DOCK1: variants seen among roughly 807,000 people sequenced by gnomAD.
DOCK1 encodes the protein dedicator of cytokinesis protein 1.
Under a neutral mutation model 262.7 loss-of-function variants are expected in DOCK1, and 138 were observed. That is an observed-to-expected ratio of 0.53 (90% CI 0.46 to 0.61). DOCK1 has a LOEUF of 0.61. Ranked by LOEUF, DOCK1 falls within the 20% of genes least tolerant of loss-of-function variation. DOCK1 has a pLI of 0.00. For synonymous variants in DOCK1, 866 were observed against 867.4 expected, an observed-to-expected ratio of 1.00 and a Z score of 0.03; for missense variants, 1,908 against 2,370.7, an observed-to-expected ratio of 0.80 and a Z score of 4.05.
At chr10:127,381,751 C>T (rs2065837542) in intron 37 of DOCK1, among the ~76,000 whole-genome samples, 1 of 152,150 alleles carries the variant, frequency 6.6e-6, no homozygotes, top group Non-Finnish European at 1.5e-5. Context: ...GAGACATACC[C>T]CTAATTGTCT....
intron 27 of DOCK1, among the ~76,000 whole-genome samples, chr10:127,158,962 C>G (rs1277341251): frequency 6.6e-6 from 1 of 152,122 alleles, no homozygotes; most frequent in Non-Finnish European, 1.5e-5. Flanking sequence ...GGGTTTTATC[C>G]CAGGGACCAA....
At chr10:126,992,835 T>A (rs2039909532) in intron 6 of DOCK1, among the ~76,000 whole-genome samples, 1 of 149,902 alleles carries the variant, frequency 6.7e-6, no homozygotes, top group Non-Finnish European at 1.5e-5. Context: ...GGTGGGGAGG[T>A]CTCCCACCCT....
rs1197399326 is a variant in DOCK1 at position 127,447,418 on chromosome 10, G to A, written c.5438G>A (p.Gly1813Glu). 2.5e-6 allele frequency: 4 copies of A among 1,612,918 alleles called. No homozygotes were observed. In the Admixed American group the frequency reaches 5.0e-5, roughly 20 times the overall value. Residue 1813 changes from glycine to glutamate, a missense_variant, in exon 51 of 52, where the codon GGG (glycine) becomes GAG (glutamate). This residue lies in a region of DOCK1 where 383 missense variants were observed against 420.1 expected (regional missense o/e 0.91). Coordinates refer to ENST00000623213, the MANE Select transcript of DOCK1 (RefSeq NM_001290223.2). The stretch of plus-strand genomic sequence containing the variant: ...GGCTTGGAGCTGAACGGCATGACGG[G>A]GGCGGACGTGGCCGATGTCCCACCC... ...QSSLELNGMT[G>E]ADVADVPPPL...
At chr10:126,921,250 G>A (rs11245234) in intron 1 of DOCK1, among the ~76,000 whole-genome samples, 18,261 of 150,398 alleles carry the variant, frequency 0.12, 1,285 homozygotes, top group African/African-American at 0.2. Flanking sequence ...ACAATTGTTC[G>A]TAGCAGCATT....
chr10:127,413,388 T>C (rs2067972975), intron 43 of DOCK1, among the ~76,000 whole-genome samples: 2 of 152,220 alleles, frequency 1.3e-5, no homozygotes, highest in Admixed American at 6.5e-5. Context: ...CAGGATTTGG[T>C]CCTTCACATG....
In DOCK1 at chr10:127,176,729, A is replaced by C. The variant is rs1298857773; in HGVS notation, c.2847+48965A>C. 1 of 218,016 alleles carries C rather than the reference A, an allele frequency of 4.6e-6. No homozygotes were observed. The highest frequency in any genetic ancestry group is 9.0e-6 in the Non-Finnish European group (1 of 110,844). 13.5% of individuals were successfully genotyped at this position (218,016 alleles called of 1,614,324 possible). On this transcript the variant is annotated intron_variant, in intron 27 of 51. Transcript: ENST00000623213. The surrounding 1 kb of genome is among the most constrained non-coding windows in gnomAD (Gnocchi z 4.4). ...AATGATGCTGCCTCTTCTGCTTTGCAAATTATCTTTTCACACGCGTGACTC... is the reference window on the plus strand; with the variant it reads ...AATGATGCTGCCTCTTCTGCTTTGCCAATTATCTTTTCACACGCGTGACTC...
chr10:127,375,201 A>G (rs149964170), intron 35 of DOCK1, among the ~76,000 whole-genome samples: 3 of 152,316 alleles, frequency 2.0e-5, no homozygotes, highest in Admixed American at 6.5e-5. Flanking sequence ...GGCCAGCCTC[A>G]TGGCTCTCAG....
At chr10:126,920,919 G>A (rs549691886) in intron 1 of DOCK1, among the ~76,000 whole-genome samples, 83 of 152,242 alleles carry the variant, frequency 5.5e-4, no homozygotes, top group African/African-American at 1.9e-3. Flanking sequence ...AGTTCAGGCC[G>A]GGCACGGTGG....
chr10:127,015,712 C>T (rs1451843935), intron 12 of DOCK1, among the ~76,000 whole-genome samples: 1 of 152,188 alleles, frequency 6.6e-6, no homozygotes, highest in East Asian at 1.9e-4. Flanking sequence ...TCCATAGTGG[C>T]ATTCACGTCC....
intron 29 of DOCK1, among the ~76,000 whole-genome samples, chr10:127,288,247 C>T (rs1303182016): frequency 6.6e-6 from 1 of 152,102 alleles, no homozygotes; most frequent in Non-Finnish European, 1.5e-5. Flanking sequence ...TCCTTACCAC[C>T]CTGCTTAAGT....
chr10:127,310,854 TTAAG>T (rs1199643214), intron 29 of DOCK1, among the ~76,000 whole-genome samples: 2 of 152,160 alleles, frequency 1.3e-5, no homozygotes, highest in Non-Finnish European at 2.9e-5. Flanking sequence ...TTATGTCTTA[TTAAG>T]TGACATTCAG....
At chr10:127,331,839 C>T (rs926528972) in intron 29 of DOCK1, among the ~76,000 whole-genome samples, 3 of 152,132 alleles carry the variant, frequency 2.0e-5, no homozygotes, top group Admixed American at 2.0e-4. Flanking sequence ...CCAAAGCCTC[C>T]ATTTCCTCAT....
intron 25 of DOCK1, among the ~76,000 whole-genome samples, chr10:127,113,794 C>T (rs1021937827): frequency 6.6e-6 from 1 of 152,178 alleles, no homozygotes; most frequent in Non-Finnish European, 1.5e-5. Context: ...GCCATTTGCT[C>T]ACAGAGCATT....
At chr10:127,256,764 C>A (rs929896102) in intron 28 of DOCK1, among the ~76,000 whole-genome samples, 8 of 152,124 alleles carry the variant, frequency 5.3e-5, no homozygotes, top group Admixed American at 2.0e-4. Context: ...AAGCATAACT[C>A]GGTAGCTTTT....
At chr10:127,329,664 G>A (rs1386258719) in intron 29 of DOCK1, among the ~76,000 whole-genome samples, 1 of 152,156 alleles carries the variant, frequency 6.6e-6, no homozygotes, top group Non-Finnish European at 1.5e-5. Flanking sequence ...ACTTCCTGAT[G>A]TTCGCTGCTG....
At position 126,996,339 on chromosome 10, in the gene DOCK1, C is replaced by G. The variant is rs1350282025; in HGVS notation, c.474-409C>G. Among the ~76,000 whole-genome samples the G allele has an allele frequency of 3.5e-5, 5 of 141,576 alleles. No homozygotes were observed. In the Admixed American group the frequency reaches 3.8e-4, roughly 11 times the overall value. 92.9% of individuals were successfully genotyped at this position (141,576 alleles called of 152,430 possible). A position where few individuals can be genotyped will look rare whatever the true frequency, so the allele number is the denominator to read the frequency against. On this transcript the variant is annotated intron_variant, in intron 6 of 51. Coordinates refer to ENST00000623213, the MANE Select transcript of DOCK1 (RefSeq NM_001290223.2). The stretch of plus-strand genomic sequence containing the variant: ...AGGTTGCAGTGAGCCGAGATCGCAC[C>G]ACTGCACTCCAGTATGGGCAACAAG...
intron 1 of DOCK1, among the ~76,000 whole-genome samples, chr10:126,937,223 A>G (rs990546626): frequency 6.6e-6 from 1 of 152,214 alleles, no homozygotes. Context: ...AGTTTTGCTT[A>G]TCCATCCATT....
rs938701148 is a variant in DOCK1 at position 126,942,998 on chromosome 10, T to C, written c.47-27704T>C. ...TAGGCCGGACGTGGTGGCTCACGCCTGTAATCTCAGCACTTTGGGAGGCTG... is the reference window on the plus strand; with the variant it reads ...TAGGCCGGACGTGGTGGCTCACGCCCGTAATCTCAGCACTTTGGGAGGCTG... On this transcript the variant is annotated intron_variant, in intron 1 of 51. Coordinates refer to ENST00000623213, the MANE Select transcript of DOCK1 (RefSeq NM_001290223.2). Among the ~76,000 whole-genome samples the C allele has an allele frequency of 5.3e-3, 800 of 152,222 alleles. 10 individuals are homozygous for C. The highest frequency in any genetic ancestry group is 0.018 in the African/African-American group (764 of 41,556).
At position 127,187,573 on chromosome 10, in the gene DOCK1, C is replaced by A. The variant is rs147531342; in HGVS notation, c.2847+59809C>A. ...GGTTTTTAAAGAGAGCATATCCTGC[C>A]ACGTAGAAGAAAATCCAGGGGGTGG... On this transcript the variant is annotated intron_variant, in intron 27 of 51. Transcript: ENST00000623213. Among the ~76,000 whole-genome samples the A allele has an allele frequency of 5.9e-4, 90 of 152,004 alleles. 1 individual carries two copies. The highest frequency in any genetic ancestry group is 2.0e-3 in the African/African-American group (84 of 41,482).
Sources: allele counts gnomAD v4.1 joint callset (sites outside exome capture counted in the v4.1 genomes callset), GRCh38; gene constraint gnomAD v4.1.1; regional missense constraint gnomAD v4.1.1; non-coding constraint Gnocchi (gnomAD v3.1); transcripts MANE v1.5; gene names NCBI Gene and HGNC (gene_info 2026-07-23, HGNC 2026-07-21).